Variants in EYS observed in about 807,000 individuals in gnomAD.
The protein encoded by EYS is protein eyes shut homolog.
EYS carries 250 observed loss-of-function variants against 282.1 expected under a neutral mutation model. The observed-to-expected ratio is 0.89, with a 90% CI of 0.80 to 0.98. The LOEUF is 0.98. Among genes scored for constraint, EYS ranks in the 50% least tolerant of loss-of-function variants. The pLI is 0.00. For missense variants in EYS, 4,016 were observed against 3,709.0 expected, an observed-to-expected ratio of 1.08 and a Z score of -2.15; for synonymous variants, 1,355 against 1,282.9, an observed-to-expected ratio of 1.06 and a Z score of -1.20.
chr6:64,368,947 C>T (rs949362707), intron 29 of EYS, among the ~76,000 whole-genome samples: 2 of 152,026 alleles, frequency 1.3e-5, no homozygotes, highest in African/African-American at 4.8e-5. Context: ...GATGCAATTG[C>T]TCTTAGTGTC....
intron 22 of EYS, among the ~76,000 whole-genome samples, chr6:64,729,463 G>A (rs1771882448): frequency 6.6e-6 from 1 of 152,064 alleles, no homozygotes; most frequent in Non-Finnish European, 1.5e-5. Context: ...TTGGTCTCCT[G>A]CACTTTGATC....
chr6:65,315,361 T>C (rs1287240658), intron 11 of EYS, among the ~76,000 whole-genome samples: 1 of 152,202 alleles, frequency 6.6e-6, no homozygotes, highest in Non-Finnish European at 1.5e-5. Context: ...TGAATTGTCC[T>C]TGGATGAACA....
intron 31 of EYS, among the ~76,000 whole-genome samples, chr6:64,126,175 A>G (rs1056932193): frequency 7.9e-5 from 12 of 151,988 alleles, no homozygotes; most frequent in Admixed American, 7.9e-4. Flanking sequence ...AACTAGAAAT[A>G]CCATTTGACC....
intron 11 of EYS, among the ~76,000 whole-genome samples, chr6:65,326,215 C>T (rs1371679903): frequency 1.3e-5 from 2 of 151,732 alleles, no homozygotes. Flanking sequence ...TTAATTGCTT[C>T]TCAATCTTGT....
intron 29 of EYS, among the ~76,000 whole-genome samples, chr6:64,345,962 C>T (rs1349887412): frequency 1.3e-5 from 2 of 152,136 alleles, no homozygotes; most frequent in South Asian, 2.1e-4. Flanking sequence ...TGCTCATCAT[C>T]ACTGGCCATC....
chr6:64,046,913 G>C (rs1344595956), intron 33 of EYS, among the ~76,000 whole-genome samples: 2 of 152,180 alleles, frequency 1.3e-5, no homozygotes, highest in African/African-American at 4.8e-5. Flanking sequence ...GTCAGGGTTA[G>C]CTTTACATTC....
At chr6:63,920,857 C>T (rs148924240) in intron 35 of EYS, among the ~76,000 whole-genome samples, 1 of 151,936 alleles carries the variant, frequency 6.6e-6, no homozygotes, top group Non-Finnish European at 1.5e-5. Context: ...ATAAGGCCCT[C>T]ACACCATCCT....
intron 12 of EYS, among the ~76,000 whole-genome samples, chr6:65,284,372 T>A (rs1004827613): frequency 1.3e-5 from 2 of 151,806 alleles, no homozygotes; most frequent in Non-Finnish European, 2.9e-5. Context: ...AGCTACTACT[T>A]TTTTTTTGCA....
intron 12 of EYS, among the ~76,000 whole-genome samples, chr6:65,141,776 G>A (rs1581949102): frequency 1.3e-5 from 2 of 151,804 alleles, no homozygotes; most frequent in African/African-American, 4.8e-5. Flanking sequence ...GGGGGCAAGA[G>A]TGAAGTGGCA....
chr6:65,205,969 C>T (rs1766023308), intron 12 of EYS, among the ~76,000 whole-genome samples: 1 of 151,732 alleles, frequency 6.6e-6, no homozygotes, highest in East Asian at 1.9e-4. Flanking sequence ...AATGTCACAT[C>T]TCAAGGAACT....
chr6:65,454,833 C>G (rs1378048345), intron 5 of EYS, among the ~76,000 whole-genome samples: 2 of 151,970 alleles, frequency 1.3e-5, no homozygotes, highest in Non-Finnish European at 2.9e-5. Flanking sequence ...GAATTTATTT[C>G]TGGGATCCCT....
intron 31 of EYS, among the ~76,000 whole-genome samples, chr6:64,189,786 C>A (rs1765050138): frequency 1.3e-5 from 2 of 152,086 alleles, no homozygotes; most frequent in Admixed American, 6.6e-5. Flanking sequence ...ACTTGCCAGC[C>A]CCCACAGTTG....
At chr6:64,296,051 G>T (rs943825344) in intron 30 of EYS, among the ~76,000 whole-genome samples, 1 of 152,164 alleles carries the variant, frequency 6.6e-6, no homozygotes, top group African/African-American at 2.4e-5. Flanking sequence ...AGCAATGAAT[G>T]TTAATTTAAT....
chr6:65,633,583 G>A (rs1210110326), intron 2 of EYS, among the ~76,000 whole-genome samples: 2 of 152,188 alleles, frequency 1.3e-5, no homozygotes, highest in Admixed American at 1.3e-4. Context: ...GTATTAAGTG[G>A]TGAAGCTGTC....
chr6:65,121,700 C>T (rs1045305592), intron 12 of EYS, among the ~76,000 whole-genome samples: 4 of 152,096 alleles, frequency 2.6e-5, no homozygotes, highest in Non-Finnish European at 5.9e-5. Context: ...TTTCTTAGAA[C>T]ATTTTCTTCT....
intron 12 of EYS, among the ~76,000 whole-genome samples, chr6:65,237,625 T>C (rs1481494579): frequency 6.6e-6 from 1 of 152,146 alleles, no homozygotes; most frequent in Non-Finnish European, 1.5e-5. Flanking sequence ...TTTGTATAAT[T>C]GCATGGGCAA....
intron 26 of EYS, among the ~76,000 whole-genome samples, chr6:64,585,679 A>G (rs990091086): frequency 6.6e-6 from 1 of 152,004 alleles, no homozygotes; most frequent in Non-Finnish European, 1.5e-5. Flanking sequence ...TAGACTTTCT[A>G]TTCTATTTCC....
intron 29 of EYS, among the ~76,000 whole-genome samples, chr6:64,337,508 T>A (rs893765790): frequency 2.0e-5 from 3 of 151,736 alleles, no homozygotes; most frequent in African/African-American, 7.3e-5. Flanking sequence ...AACAAAAAAA[T>A]TCCAGGACAA....
chr6:65,688,371 G>A (rs542263283), intron 1 of EYS, among the ~76,000 whole-genome samples: 1 of 152,120 alleles, frequency 6.6e-6, no homozygotes, highest in Non-Finnish European at 1.5e-5. Context: ...GGGAAAACTG[G>A]CTGGCCATAT....
Sources: allele counts gnomAD v4.1 joint callset (sites outside exome capture counted in the v4.1 genomes callset), GRCh38; gene constraint gnomAD v4.1.1; transcripts MANE v1.5; gene names NCBI Gene and HGNC (gene_info 2026-07-23, HGNC 2026-07-21).